ENTPD1: variants seen among roughly 807,000 people sequenced by gnomAD.
ENTPD1 encodes ATP diphosphohydrolase.
ENTPD1 carries 33 observed loss-of-function variants against 57.0 expected under a neutral mutation model. The observed-to-expected ratio is 0.58, with a 90% CI of 0.44 to 0.77. ENTPD1 has a LOEUF of 0.77. Ranked by LOEUF, ENTPD1 falls within the 30% of genes least tolerant of loss-of-function variation. The pLI is 0.00. For synonymous variants in ENTPD1, 202 were observed against 218.8 expected (o/e 0.92, Z 0.68); for missense variants, 501 against 603.4 (o/e 0.83, Z 1.78).
intron 1 of ENTPD1, among the ~76,000 whole-genome samples, chr10:95,769,020 A>G (rs1463513235): frequency 6.6e-6 from 1 of 152,222 alleles, no homozygotes; most frequent in East Asian, 1.9e-4. Flanking sequence ...GGAAAAATGC[A>G]ATCACCAAAT....
At chr10:95,749,535 G>T (rs1032459459) in intron 1 of ENTPD1, among the ~76,000 whole-genome samples, 1 of 152,156 alleles carries the variant, frequency 6.6e-6, no homozygotes, top group African/African-American at 2.4e-5. Context: ...TTTCCAAAGG[G>T]CCTTAGGCCA....
chr10:95,842,549 G>T lies in ENTPD1; in HGVS notation c.413+55G>T. 2.5e-6 allele frequency: 4 copies of T among 1,588,030 alleles called. No homozygotes were observed. In the South Asian group the frequency reaches 4.5e-5, roughly 18 times the overall value. On this transcript the variant is annotated intron_variant, in intron 4 of 9. Transcript: ENST00000371205. ...CTGGGAGTTAGGCTTGGCAGTGAAA[G>T]AGCCTCTGAAGTTATGGGAAAGGGC...
upstream of ENTPD1, among the ~76,000 whole-genome samples, chr10:95,710,377 C>T (rs2097964531): frequency 6.6e-6 from 1 of 152,076 alleles, no homozygotes; most frequent in African/African-American, 2.4e-5. Flanking sequence ...TGCATTCCAG[C>T]TTGGGCAACA....
At chr10:95,715,529 T>C (rs146178838) in intron 1 of ENTPD1, among the ~76,000 whole-genome samples, 32 of 152,306 alleles carry the variant, frequency 2.1e-4, no homozygotes, top group Middle Eastern at 6.8e-3. Context: ...TTAAACTGTT[T>C]AGTTCATTCA....
At chr10:95,800,221 A>T (rs1255317152) in intron 1 of ENTPD1, among the ~76,000 whole-genome samples, 1 of 152,178 alleles carries the variant, frequency 6.6e-6, no homozygotes, top group Admixed American at 6.5e-5. Flanking sequence ...GAAATTTTAC[A>T]GCTGGTCTTC....
chr10:95,768,435 C>G (rs1013928215), intron 1 of ENTPD1, among the ~76,000 whole-genome samples: 2 of 152,098 alleles, frequency 1.3e-5, no homozygotes, highest in African/African-American at 2.4e-5. Context: ...TGTGGCCTGC[C>G]TGCCTGCCTC....
chr10:95,874,547 T>C lies in ENTPD1; in HGVS notation c.*8164T>C, dbSNP rs1484793933. Among the ~76,000 whole-genome samples, 1 of 152,198 alleles carries C rather than the reference T, an allele frequency of 6.6e-6. No homozygotes were observed. The highest frequency in any genetic ancestry group is 1.5e-5 in the Non-Finnish European group (1 of 68,018). ...CCAGGCACAAGATGCAAGTTGGTGG[T>C]TGATCTACCATTCTGGGGTCTACCA... On this transcript the variant is annotated 3_prime_UTR_variant, in exon 10 of 10. Transcript: ENST00000371205.
At chr10:95,712,034 T>C (rs1589632407) in intron 1 of ENTPD1, 1 of 1,613,380 alleles carries the variant, frequency 6.2e-7, no homozygotes, top group African/African-American at 1.3e-5. Context: ...CCTCTCTCCC[T>C]CTGTGGAATC....
intron 1 of ENTPD1, among the ~76,000 whole-genome samples, chr10:95,774,968 G>T (rs922714915): frequency 9.2e-5 from 14 of 152,162 alleles, no homozygotes; most frequent in Non-Finnish European, 2.1e-4. Context: ...CATGAGCATG[G>T]AATGTTCTTC....
At chr10:95,735,248 A>C (rs11188460) in intron 1 of ENTPD1, among the ~76,000 whole-genome samples, 81,907 of 151,824 alleles carry the variant, frequency 0.54, 22,513 homozygotes, top group Admixed American at 0.63. Flanking sequence ...CCAGGCTGTT[A>C]TTGAACTCCT....
intron 1 of ENTPD1, among the ~76,000 whole-genome samples, chr10:95,773,962 C>T (rs190772650): frequency 1.4e-4 from 21 of 152,288 alleles, no homozygotes; most frequent in East Asian, 7.7e-4. Flanking sequence ...AGTGTAAAAG[C>T]GTTCCTATTT....
chr10:95,725,445 A>G (rs939170064), intron 1 of ENTPD1, among the ~76,000 whole-genome samples: 1 of 152,174 alleles, frequency 6.6e-6, no homozygotes, highest in Non-Finnish European at 1.5e-5. Context: ...ATGAACTAAT[A>G]TAGCAACTCG....
upstream of ENTPD1, among the ~76,000 whole-genome samples, chr10:95,752,649 G>C (rs2098013938): frequency 6.6e-6 from 1 of 152,080 alleles, no homozygotes; most frequent in South Asian, 2.1e-4. Context: ...TGGGCAATAA[G>C]AGCGAAACTC....
Position 95,820,725 on chromosome 10 carries a change from A to G in ENTPD1, c.17-2512A>G, listed in dbSNP as rs2098347239. Among the ~76,000 whole-genome samples the G allele has an allele frequency of 2.0e-5, 3 of 152,194 alleles. No homozygotes were observed. The South Asian group carries it at 6.2e-4, about 32-fold the overall frequency. On this transcript the variant is annotated intron_variant, in intron 1 of 9. Transcript: ENST00000371205. The stretch of plus-strand genomic sequence containing the variant: ...TCCCAATTCTACCGCAAGTCACTCT[A>G]TCAAGTTCCTTGGTTTGAATTTCTT...
chr10:95,764,267 G>A (rs892384493), intron 1 of ENTPD1, among the ~76,000 whole-genome samples: 2 of 152,160 alleles, frequency 1.3e-5, no homozygotes, highest in Non-Finnish European at 2.9e-5. Context: ...CCCATTGAAT[G>A]TATATACCAC....
In ENTPD1 at chr10:95,876,328, G is replaced by C. The variant is rs1241507213; in HGVS notation, c.*9945G>C. 2.0e-6 allele frequency: 2 copies of C among 985,126 alleles called. No homozygotes were observed. Among genetic ancestry groups the C allele is most frequent in the African/African-American group, 3.5e-5 (2 of 57,190 alleles). 61.0% of individuals were successfully genotyped at this position (985,126 alleles called of 1,614,324 possible). A position where few individuals can be genotyped will look rare whatever the true frequency, so the allele number is the denominator to read the frequency against. On this transcript the variant is annotated 3_prime_UTR_variant, in exon 10 of 10. Coordinates refer to ENST00000371205, the MANE Select transcript of ENTPD1 (RefSeq NM_001776.6). ...TTGGCCTAGTAACAATGAAAATGGG[G>C]GCAAATACAGATAAATGGTAATTCT...
At chr10:95,862,222 C>T (rs1230195618) in intron 8 of ENTPD1, among the ~76,000 whole-genome samples, 1 of 152,064 alleles carries the variant, frequency 6.6e-6, no homozygotes, top group Non-Finnish European at 1.5e-5. Context: ...AGGGTTAGAC[C>T]CCTGTCTTCA....
At chr10:95,777,004 C>G (rs752280615) in intron 1 of ENTPD1, among the ~76,000 whole-genome samples, 10 of 152,180 alleles carry the variant, frequency 6.6e-5, no homozygotes, top group Non-Finnish European at 1.2e-4. Flanking sequence ...GTTCTCTACA[C>G]TGTTTATTCT....
intron 1 of ENTPD1, among the ~76,000 whole-genome samples, chr10:95,780,880 T>C (rs1470369870): frequency 6.6e-6 from 1 of 152,174 alleles, no homozygotes; most frequent in Non-Finnish European, 1.5e-5. Flanking sequence ...AACCAGTGCA[T>C]GCATATGATC....
Sources: allele counts gnomAD v4.1 joint callset (sites outside exome capture counted in the v4.1 genomes callset), GRCh38; gene constraint gnomAD v4.1.1; transcripts MANE v1.5; gene names NCBI Gene and HGNC (gene_info 2026-07-23, HGNC 2026-07-21).